Variants in MTF2 observed in about 807,000 individuals in gnomAD.
The protein encoded by MTF2 is metal response element binding transcription factor 2.
MTF2 carries 11 observed loss-of-function variants against 79.5 expected under a neutral mutation model. That is an observed-to-expected ratio of 0.14 (90% CI 0.09 to 0.23). The LOEUF (loss-of-function observed/expected upper bound fraction) is 0.23, where lower values mean the gene tolerates loss of function less well. Ranked by LOEUF, MTF2 falls within the 10% of genes least tolerant of loss-of-function variation. The pLI is 1.00. For missense variants in MTF2, 486 were observed against 711.2 expected (o/e 0.68, Z 3.60); for synonymous variants, 208 against 232.8 (o/e 0.89, Z 0.97).
rs372898714 is a variant in MTF2 at position 93,134,155 on chromosome 1, G to A, written c.1384G>A (p.Ala462Thr). ...TGTGGATTTCACGGGTGCTTCCAGTGCAAAAGAAACTACCTCGTCTAGCAT... is the reference window on the plus strand; with the variant it reads ...TGTGGATTTCACGGGTGCTTCCAGTACAAAAGAAACTACCTCGTCTAGCAT... ...SDVDFTGASS[A>T]KETTSSSISR... Residue 462 changes from alanine (A) to threonine (T), a missense_variant, in exon 14 of 15, where the codon GCA (alanine) becomes ACA (threonine). Ala to Thr is a moderately conservative substitution (Grantham distance 58). Transcript: ENST00000370298. 7.4e-6 allele frequency: 12 copies of A among 1,613,236 alleles called. No individual in the cohort carries two copies. The highest frequency in any genetic ancestry group is 5.0e-5 in the Admixed American group (3 of 59,948).
At chr1:93,103,755 G>A (rs1046649465) in intron 1 of MTF2, among the ~76,000 whole-genome samples, 6 of 152,188 alleles carry the variant, frequency 3.9e-5, no homozygotes, top group Admixed American at 3.3e-4. Context: ...GAAGTAATCA[G>A]TGATAGTAAT....
chr1:93,112,080 A>G (rs1038929646), intron 3 of MTF2, among the ~76,000 whole-genome samples: 5 of 152,198 alleles, frequency 3.3e-5, no homozygotes, highest in African/African-American at 7.2e-5. Flanking sequence ...GAGGGGTTCT[A>G]TAAGTCCTGC....
At chr1:93,091,715 G>A (rs1250003723) in intron 1 of MTF2, among the ~76,000 whole-genome samples, 1 of 152,190 alleles carries the variant, frequency 6.6e-6, no homozygotes, top group African/African-American at 2.4e-5. Context: ...AAAATACAGA[G>A]TGGTCTTTTA....
chr1:93,124,393 G>A (rs1458196378), intron 9 of MTF2, among the ~76,000 whole-genome samples: 1 of 151,876 alleles, frequency 6.6e-6, no homozygotes, highest in Non-Finnish European at 1.5e-5. Context: ...TTTTGTAATC[G>A]CTTATTGTCA....
At chr1:93,115,325 A>G in intron 5 of MTF2, 145 bp from the exon 6 acceptor site, 1 of 715,968 alleles carries the variant, frequency 1.4e-6, no homozygotes, top group Non-Finnish European at 2.2e-6. Flanking sequence ...AGAAAAATAG[A>G]GATTATTATT....
chr1:93,085,095 C>G (rs774070313), intron 1 of MTF2, among the ~76,000 whole-genome samples: 2 of 152,000 alleles, frequency 1.3e-5, no homozygotes, highest in Non-Finnish European at 2.9e-5. Context: ...TTGTGAAGTG[C>G]TTATCTAGTA....
chr1:93,122,636 T>G (rs1656529143), intron 9 of MTF2, among the ~76,000 whole-genome samples: 1 of 152,136 alleles, frequency 6.6e-6, no homozygotes, highest in Non-Finnish European at 1.5e-5. Context: ...TGCAAATTAT[T>G]TCCACTTTTT....
chr1:93,136,659 C>G lies in MTF2; in HGVS notation c.1425-11C>G. 1.2e-6 allele frequency: 2 copies of G among 1,606,962 alleles called. No individual in the cohort carries two copies. Among genetic ancestry groups the G allele is most frequent in the Non-Finnish European group, 1.7e-6 (2 of 1,176,552 alleles). On this transcript the variant is annotated splice_polypyrimidine_tract_variant and intron_variant, in intron 14 of 14. Transcript: ENST00000370298. ...GCTCAGTAGACAATTCTGGCCTTCT[C>G]TGTTACATAGATTATCTGACTCCAG...
rs1426342880 is a variant in MTF2 at position 93,138,376 on chromosome 1, C to A, written c.*1349C>A. Reference sequence around the variant, plus strand: ...TTAAAAGTGATTGGTGGATTTTAGACTAATTATGGGGGAATTTGCCACCAA... The same window carrying A: ...TTAAAAGTGATTGGTGGATTTTAGAATAATTATGGGGGAATTTGCCACCAA... On this transcript the variant is annotated 3_prime_UTR_variant, in exon 15 of 15. Transcript: ENST00000370298. 2 of 152,026 alleles carry A rather than the reference C, an allele frequency of 1.3e-5. No homozygotes were observed. Among genetic ancestry groups the A allele is most frequent in the Non-Finnish European group, 2.9e-5 (2 of 68,002 alleles). The allele number at this position is 152,026 out of a possible 1,614,324, so 9.4% of individuals were successfully genotyped here.
At chr1:93,123,501 A>C (rs892282297) in intron 9 of MTF2, among the ~76,000 whole-genome samples, 18 of 152,136 alleles carry the variant, frequency 1.2e-4, no homozygotes, top group Admixed American at 9.2e-4. Flanking sequence ...TCTTGCCACC[A>C]GATCAGAGAA....
chr1:93,094,432 G>T (rs1655198535), intron 1 of MTF2, among the ~76,000 whole-genome samples: 1 of 151,934 alleles, frequency 6.6e-6, no homozygotes, highest in Non-Finnish European at 1.5e-5. Flanking sequence ...ATTCAGATGT[G>T]CATTTTGAGG....
intron 9 of MTF2, among the ~76,000 whole-genome samples, chr1:93,126,145 T>C (rs1475301373): frequency 8.6e-6 from 1 of 116,480 alleles, no homozygotes; most frequent in East Asian, 3.0e-4. Flanking sequence ...AGTACCTAAC[T>C]CGTATTTAAC....
At position 93,115,567 on chromosome 1, in the gene MTF2, G is replaced by T; in HGVS notation, c.581G>T (p.Gly194Val). Residue 194 changes from glycine (G) to valine (V), a missense_variant, in exon 6 of 15, where the codon GGT becomes GTT. This residue lies in a region of MTF2 where 177 missense variants were observed against 364.0 expected (regional missense o/e 0.49). Coordinates refer to ENST00000370298, the MANE Select transcript of MTF2 (RefSeq NM_007358.4). ...GTGGCAGACCTTGAATGGGATGCAG[G>T]TCATAAAACCAATGTCCAGCAGTGT... is the stretch of plus-strand genomic sequence containing the variant. ...YSVADLEWDA[G>V]HKTNVQQCYC... The T allele has an allele frequency of 6.2e-7, 1 of 1,611,480 alleles. No homozygotes were observed. The highest frequency in any genetic ancestry group is 8.5e-7 in the Non-Finnish European group (1 of 1,178,840).
At chr1:93,085,514 G>T in intron 1 of MTF2, among the ~76,000 whole-genome samples, 1 of 133,910 alleles carries the variant, frequency 7.5e-6, no homozygotes. Context: ...AAAGAGACAG[G>T]GTCTCTCTGT....
At chr1:93,133,304 A>G (rs542132304) in intron 11 of MTF2, among the ~76,000 whole-genome samples, 89 of 152,248 alleles carry the variant, frequency 5.8e-4, no homozygotes, top group Non-Finnish European at 9.4e-4. Context: ...CATTTTTAGT[A>G]GTAAATCCTT....
intron 1 of MTF2, among the ~76,000 whole-genome samples, chr1:93,101,306 C>T (rs1557546557): frequency 6.6e-6 from 1 of 151,644 alleles, no homozygotes; most frequent in Non-Finnish European, 1.5e-5. Context: ...TGACTATGAG[C>T]CCTCTCTCCC....
chr1:93,098,876 C>G (rs1293372519), intron 1 of MTF2, among the ~76,000 whole-genome samples: 1 of 151,964 alleles, frequency 6.6e-6, no homozygotes, highest in East Asian at 1.9e-4. Context: ...TCAGTGTTGC[C>G]CAGTTGTAAA....
chr1:93,120,301 GAAAAAAA>G (rs11414632), intron 8 of MTF2: 13 of 107,886 alleles, frequency 1.2e-4, no homozygotes, highest in South Asian at 1.3e-4. Context: ...CTGTCTCCAA[GAAAAAAA>G]AAAAAAAAAA....
chr1:93,132,394 A>T (rs1656956963), intron 11 of MTF2, among the ~76,000 whole-genome samples: 1 of 152,146 alleles, frequency 6.6e-6, no homozygotes. Context: ...CATGATTGTG[A>T]TAGGATATTC....
Sources: allele counts gnomAD v4.1 joint callset (sites outside exome capture counted in the v4.1 genomes callset), GRCh38; gene constraint gnomAD v4.1.1; regional missense constraint gnomAD v4.1.1; transcripts MANE v1.5; gene names NCBI Gene and HGNC (gene_info 2026-07-23, HGNC 2026-07-21).